The following CHRAC1 variants were observed in gnomAD, a reference collection of about 807,000 sequenced individuals.
CHRAC1 encodes chromatin accessibility complex protein 1.
CHRAC1 carries 6 observed loss-of-function variants against 9.1 expected under a neutral mutation model. The observed-to-expected ratio is 0.66, with a 90% CI of 0.36 to 1.29. The LOEUF (loss-of-function observed/expected upper bound fraction) is 1.29. CHRAC1 is among the 50% of genes most tolerant of loss of function. CHRAC1 has a pLI of 0.03. For missense variants in CHRAC1, 168 were observed against 163.5 expected (o/e 1.03, Z -0.15); for synonymous variants, 73 against 64.5 (o/e 1.13, Z -0.63).
chr8:140,513,103 C>G (rs1362879259), intron 1 of CHRAC1, among the ~76,000 whole-genome samples: 3 of 152,226 alleles, frequency 2.0e-5, no homozygotes, highest in African/African-American at 7.2e-5. Flanking sequence ...CAGGCGTGAA[C>G]CATCACGCCC....
intron 2 of CHRAC1, chr8:140,514,851 C>T (rs1438244162): frequency 2.6e-6 from 1 of 385,626 alleles, no homozygotes; most frequent in Admixed American, 4.3e-5. Flanking sequence ...TGGGGCTAGC[C>T]TAGGCTATCT....
At chr8:140,511,789 C>G (rs1050108635) in intron 1 of CHRAC1, 143 bp downstream of exon 1, 1 of 892,846 alleles carries the variant, frequency 1.1e-6, no homozygotes, top group African/African-American at 1.8e-5. Flanking sequence ...GTCCCCGTCC[C>G]ACGCCGGCGC....
At position 140,514,503 on chromosome 8, in the gene CHRAC1, G is replaced by C; in HGVS notation, c.274+8G>C. Reference sequence around the variant, plus strand: ...CTTTTCAGTTTCTTGCAGGTACTTAGTCTTTGAAACATTCTGGTTAAAAAA... The same window carrying C: ...CTTTTCAGTTTCTTGCAGGTACTTACTCTTTGAAACATTCTGGTTAAAAAA... On this transcript the variant is annotated splice_region_variant and intron_variant, in intron 2 of 2. Transcript: ENST00000220913. The C allele has an allele frequency of 6.5e-7, 1 of 1,543,920 alleles. No individual in the cohort carries two copies.
rs757913709 is a variant in CHRAC1, at chr8:140,511,567, G to A, written c.68G>A (p.Arg23His). 6.8e-7 allele frequency: 1 copy of A among 1,467,778 alleles called. No individual in the cohort carries two copies. Among genetic ancestry groups the A allele is most frequent in the Non-Finnish European group, 9.1e-7 (1 of 1,102,270 alleles). 90.9% of individuals were successfully genotyped at this position (1,467,778 alleles called of 1,614,324 possible). ...CGGCTCATCTCGCTGCCTCTATCCCGCATCCGGGTCATCATGAAGAGCTCC... is the reference window on the plus strand; with the variant it reads ...CGGCTCATCTCGCTGCCTCTATCCCACATCCGGGTCATCATGAAGAGCTCC... ...EQRLISLPLS[R>H]IRVIMKSSPE... Residue 23 changes from arginine to histidine, a missense_variant, in exon 1 of 3, where the codon CGC becomes CAC. Physicochemically the swap from Arg to His is conservative, Grantham distance 29. Coordinates refer to ENST00000220913, the MANE Select transcript of CHRAC1 (RefSeq NM_017444.6).
intron 1 of CHRAC1, among the ~76,000 whole-genome samples, chr8:140,512,893 T>C (rs1411339784): frequency 6.6e-6 from 1 of 152,182 alleles, no homozygotes; most frequent in Non-Finnish European, 1.5e-5. Context: ...TCTTGCTCAC[T>C]GCAACCTCTG....
At chr8:140,511,720 C>A in intron 1 of CHRAC1, 74 bp downstream of exon 1, 1 of 1,240,778 alleles carries the variant, frequency 8.1e-7, no homozygotes, top group Non-Finnish European at 1.0e-6. Context: ...GGGCACTGCC[C>A]AGTCCCCTTA....
Position 140,515,548 on chromosome 8 carries a change from A to C in CHRAC1, c.*301A>C. The stretch of plus-strand genomic sequence containing the variant: ...CATTGCAGCTCCAAACTGCAGAGGC[A>C]AGGCCAATTTTAACTTTTCAATTTA... On this transcript the variant is annotated 3_prime_UTR_variant, in exon 3 of 3. Coordinates refer to ENST00000220913, the MANE Select transcript of CHRAC1 (RefSeq NM_017444.6). 8.8e-6 allele frequency: 2 copies of C among 226,848 alleles called. No homozygotes were observed. Among genetic ancestry groups the C allele is most frequent in the Non-Finnish European group, 1.7e-5 (2 of 116,596 alleles). The allele number at this position is 226,848 out of a possible 1,614,324, so 14.1% of individuals were successfully genotyped here.
rs747154578 is a variant in CHRAC1 at position 140,512,050 on chromosome 8, G to T, written c.147+404G>T. 7 of 1,280,324 alleles carry T rather than the reference G, an allele frequency of 5.5e-6. No individual in the cohort carries two copies. The South Asian group carries it at 8.7e-5, about 16-fold the overall frequency. 79.3% of individuals were successfully genotyped at this position (1,280,324 alleles called of 1,614,324 possible). A position where few individuals can be genotyped will look rare whatever the true frequency, so the allele number is the denominator to read the frequency against. On this transcript the variant is annotated intron_variant, in intron 1 of 2. Transcript: ENST00000220913. ...CGTAAGCTCCCGCGTTCCTCTGCGC[G>T]CCTTTCGTCCCTCCCACCTGTGCGC...
chr8:140,511,622 G>A lies in CHRAC1; in HGVS notation c.123G>A (p.Ala41=). ...SPEVSSINQE[A]LVLTAKATEL... is the part of the protein sequence containing the mutation. Reference sequence around the variant, plus strand: ...AGGTGTCCAGCATCAACCAGGAGGCGTTGGTGCTCACGGCCAAGGCCACGG... The same window carrying A: ...AGGTGTCCAGCATCAACCAGGAGGCATTGGTGCTCACGGCCAAGGCCACGG... Residue 41 remains alanine, a synonymous_variant, in exon 1 of 3, where the codon GCG becomes GCA. Transcript: ENST00000220913. 6.9e-7 allele frequency: 1 copy of A among 1,451,440 alleles called. No homozygotes were observed. Among genetic ancestry groups the A allele is most frequent in the African/African-American group, 1.5e-5 (1 of 68,540 alleles). The allele number at this position is 1,451,440 out of a possible 1,614,324, so 89.9% of individuals were successfully genotyped here.
At chr8:140,512,120 G>C in intron 1 of CHRAC1, 2 of 895,606 alleles carry the variant, frequency 2.2e-6, no homozygotes, top group East Asian at 6.6e-5. Flanking sequence ...GGCCCTACCC[G>C]TGGGCGTCGG....
chr8:140,514,306 A>C (rs925174203), intron 1 of CHRAC1, 63 bp from the exon 2 acceptor site: 6 of 1,527,658 alleles, frequency 3.9e-6, no homozygotes, highest in Non-Finnish European at 5.3e-6. Flanking sequence ...TAATTTTAAA[A>C]ATTAATTTCT....
rs924819372 is a variant in CHRAC1, at chr8:140,514,669, T to C, written c.274+174T>C. 2.7e-5 allele frequency: 14 copies of C among 520,678 alleles called. No individual in the cohort carries two copies. In the Admixed American group the frequency reaches 3.2e-4, roughly 12 times the overall value. 32.3% of individuals were successfully genotyped at this position (520,678 alleles called of 1,614,324 possible). On this transcript the variant is annotated intron_variant, in intron 2 of 2. Coordinates refer to ENST00000220913, the MANE Select transcript of CHRAC1 (RefSeq NM_017444.6). ...ATACTTTTAGTCTTCTCTGTTTGAA[T>C]GTGTTTGTCATGTGGTCCACCTAGA...
chr8:140,512,183 A>T (rs1199597672), intron 1 of CHRAC1, among the ~76,000 whole-genome samples: 1 of 149,676 alleles, frequency 6.7e-6, no homozygotes, highest in Non-Finnish European at 1.5e-5. Context: ...TTCACCCGCG[A>T]CTCCCTACTC....
chr8:140,513,746 C>T (rs991943422), intron 1 of CHRAC1, among the ~76,000 whole-genome samples: 13 of 151,980 alleles, frequency 8.6e-5, no homozygotes, highest in African/African-American at 2.9e-4. Context: ...AGCTCCCGGC[C>T]GCTTCTTTCT....
Position 140,511,329 on chromosome 8 carries a change from A to T in CHRAC1, c.-171A>T, listed in dbSNP as rs1400826686. 2.2e-6 allele frequency: 1 copy of T among 452,484 alleles called. No individual in the cohort carries two copies. The highest frequency in any genetic ancestry group is 3.6e-6 in the Non-Finnish European group (1 of 279,890). 28.0% of individuals were successfully genotyped at this position (452,484 alleles called of 1,614,324 possible). ...AGATCGGGGGCGCGAGGCCTCACGG[A>T]GCTCGTAGTTTCCCGGACGGGCCGC... On this transcript the variant is annotated 5_prime_UTR_variant, in exon 1 of 3. Coordinates refer to ENST00000220913, the MANE Select transcript of CHRAC1 (RefSeq NM_017444.6).
chr8:140,512,485 C>CT (rs1013788913), intron 1 of CHRAC1, among the ~76,000 whole-genome samples: 5 of 152,188 alleles, frequency 3.3e-5, no homozygotes, highest in East Asian at 1.9e-4. Flanking sequence ...ATAATTTTGT[C>CT]TTTTTTTAAA....
chr8:140,514,250 C>G (rs2072311516), intron 1 of CHRAC1, 119 bp from the exon 2 acceptor site: 3 of 1,098,558 alleles, frequency 2.7e-6, no homozygotes, highest in South Asian at 3.3e-5. Flanking sequence ...CCAAGAGAAT[C>G]TGAAGTCTTA....
intron 1 of CHRAC1, chr8:140,512,060 C>T (rs1181421618): frequency 3.1e-6 from 4 of 1,273,774 alleles, no homozygotes; most frequent in South Asian, 1.2e-5. Flanking sequence ...GCCTTTCGTC[C>T]CTCCCACCTG....
intron 1 of CHRAC1, among the ~76,000 whole-genome samples, chr8:140,513,352 T>A (rs2072299994): frequency 6.6e-6 from 1 of 152,254 alleles, no homozygotes; most frequent in Non-Finnish European, 1.5e-5. Context: ...TGAACCACCT[T>A]AGAAACAGTG....
Sources: gnomAD v4.1 joint callset for allele counts (sites outside exome capture counted in the v4.1 genomes callset) on GRCh38, gnomAD v4.1.1 for gene constraint, MANE v1.5 for transcripts, NCBI Gene and HGNC (gene_info 2026-07-23, HGNC 2026-07-21) for gene names.